The following ASAP1 variants were observed in gnomAD, a reference collection of about 807,000 sequenced individuals.
ASAP1 encodes the protein arf-GAP with SH3 domain, ANK repeat and PH domain-containing protein 1.
A neutral mutation model predicts 145.2 loss-of-function variants in ASAP1; 43 were observed. The ratio of observed to expected loss-of-function variants is 0.30; its 90% CI spans 0.23 to 0.38. The LOEUF (loss-of-function observed/expected upper bound fraction) is 0.38. Ranked by LOEUF, ASAP1 falls within the 10% of genes least tolerant of loss-of-function variation. The pLI is 1.00. For missense variants in ASAP1, 1,018 were observed against 1,355.3 expected, an observed-to-expected ratio of 0.75 and a Z score of 3.91; for synonymous variants, 546 against 515.5, an observed-to-expected ratio of 1.06 and a Z score of -0.80.
At chr8:130,171,308 AG>A (rs1241577252) in intron 9 of ASAP1, among the ~76,000 whole-genome samples, 1 of 152,170 alleles carries the variant, frequency 6.6e-6, no homozygotes, top group Non-Finnish European at 1.5e-5. Context: ...GTTGCTATGA[AG>A]GAACACCCAA....
Position 130,143,922 on chromosome 8 carries a change from C to T in ASAP1, c.1081-6884G>A, listed in dbSNP as rs150859990. ...TTCCTCCCATCATCTTACTGAATTG[C>T]TCTGCTTTACAAACAAGAAGTGAAC... On this transcript the variant is annotated intron_variant, in intron 13 of 29. Transcript: ENST00000518721. Among the ~76,000 whole-genome samples, 435 of 152,278 alleles carry T rather than the reference C, an allele frequency of 2.9e-3. 1 individual carries two copies. Among genetic ancestry groups the T allele is most frequent in the African/African-American group, 0.01 (421 of 41,544 alleles).
chr8:130,384,490 T>C, intron 2 of ASAP1, among the ~76,000 whole-genome samples: 1 of 151,860 alleles, frequency 6.6e-6, no homozygotes, highest in Non-Finnish European at 1.5e-5. Context: ...GGATAGTGTG[T>C]TTTTTTCAGA....
chr8:130,072,824 T>TGTGTGTGTGTGCGCGCGTGTGCGTGC, intron 27 of ASAP1, among the ~76,000 whole-genome samples: 1 of 32,282 alleles, frequency 3.1e-5, no homozygotes, highest in African/African-American at 1.2e-4. Context: ...TGTGTGTGTG[T>TGTGTGTGTGTGCGCGCGTGTGCGTGC]GCGCGCGGGG....
chr8:130,076,607 G>A lies in ASAP1; in HGVS notation c.2643-201C>T, dbSNP rs536293695. On this transcript the variant is annotated intron_variant, in intron 26 of 29. Transcript: ENST00000518721. ...CGCGATCTCTGCTCACTGCAACCTC[G>A]GCCTCCTGGGTTCAAGCAATTCCCT... Among the ~76,000 whole-genome samples, 399 of 151,834 alleles carry A rather than the reference G, an allele frequency of 2.6e-3. 2 individuals are homozygous for A. The highest frequency in any genetic ancestry group is 4.8e-3 in the Non-Finnish European group (329 of 67,914).
intron 1 of ASAP1, among the ~76,000 whole-genome samples, chr8:130,408,802 C>T (rs1469399512): frequency 3.3e-5 from 5 of 152,110 alleles, no homozygotes. Context: ...ATAACATTTC[C>T]CAAGTCATAC....
intron 3 of ASAP1, among the ~76,000 whole-genome samples, chr8:130,356,483 G>C (rs140655372): frequency 1.5e-4 from 23 of 152,202 alleles, no homozygotes; most frequent in African/African-American, 4.8e-4. Context: ...TTCAATGCCT[G>C]GCAATTCTGT....
intron 3 of ASAP1, among the ~76,000 whole-genome samples, chr8:130,281,006 T>C (rs927343814): frequency 6.6e-6 from 1 of 152,172 alleles, no homozygotes; most frequent in African/African-American, 2.4e-5. Context: ...ACATGCTGTT[T>C]TTCCAAATAA....
intron 3 of ASAP1, among the ~76,000 whole-genome samples, chr8:130,251,470 AAGTT>A (rs1476042936): frequency 2.0e-5 from 3 of 152,066 alleles, no homozygotes; most frequent in South Asian, 2.1e-4. Flanking sequence ...AAACTGAACA[AAGTT>A]AGGCCTCAAA....
chr8:130,334,226 C>A (rs1403779236), intron 3 of ASAP1, among the ~76,000 whole-genome samples: 1 of 152,110 alleles, frequency 6.6e-6, no homozygotes, highest in African/African-American at 2.4e-5. Context: ...CTGAGGCACA[C>A]ATATAAAGAG....
chr8:130,359,485 G>A (rs1252422339), intron 2 of ASAP1, among the ~76,000 whole-genome samples: 1 of 152,202 alleles, frequency 6.6e-6, no homozygotes, highest in African/African-American at 2.4e-5. Flanking sequence ...AGGGCCACAG[G>A]ATTGGTACCT....
intron 24 of ASAP1, among the ~76,000 whole-genome samples, chr8:130,097,394 C>A (rs2097520805): frequency 1.3e-5 from 2 of 152,128 alleles, no homozygotes; most frequent in South Asian, 4.1e-4. Context: ...GCCCTCCCTG[C>A]ACAGACAGCA....
chr8:130,343,760 A>C (rs1825534927), intron 3 of ASAP1, among the ~76,000 whole-genome samples: 1 of 152,234 alleles, frequency 6.6e-6, no homozygotes, highest in Admixed American at 6.5e-5. Context: ...CCAACTGTAC[A>C]AAACACACAA....
intron 3 of ASAP1, among the ~76,000 whole-genome samples, chr8:130,299,210 C>T (rs1037229436): frequency 3.9e-5 from 6 of 152,110 alleles, no homozygotes; most frequent in Non-Finnish European, 7.4e-5. Flanking sequence ...GGCTGTGAAG[C>T]GTTCAAGGGC....
chr8:130,076,995 C>A (rs2097463910), intron 26 of ASAP1, among the ~76,000 whole-genome samples: 1 of 152,192 alleles, frequency 6.6e-6, no homozygotes, highest in African/African-American at 2.4e-5. Flanking sequence ...CAATGTAGTG[C>A]ACAGAAGTAA....
intron 4 of ASAP1, among the ~76,000 whole-genome samples, chr8:130,219,107 C>T: frequency 6.6e-6 from 1 of 151,018 alleles, no homozygotes; most frequent in Non-Finnish European, 1.5e-5. Flanking sequence ...AAAATGTCAG[C>T]TACTGTTACC....
chr8:130,090,261 A>G (rs1019669326), intron 25 of ASAP1, among the ~76,000 whole-genome samples: 6 of 146,036 alleles, frequency 4.1e-5, no homozygotes, highest in Non-Finnish European at 7.4e-5. Context: ...TTCAAACCTT[A>G]AGAAATAAAG....
At chr8:130,139,920 C>T (rs1258519232) in intron 13 of ASAP1, among the ~76,000 whole-genome samples, 2 of 139,930 alleles carry the variant, frequency 1.4e-5, no homozygotes, top group Non-Finnish European at 3.1e-5. Flanking sequence ...AGATACAAAT[C>T]TTAAAAAAAA....
intron 3 of ASAP1, among the ~76,000 whole-genome samples, chr8:130,289,010 C>A (rs1458644844): frequency 6.6e-6 from 1 of 152,158 alleles, no homozygotes; most frequent in Non-Finnish European, 1.5e-5. Flanking sequence ...CACAGTGAAA[C>A]CTTGTCTCTA....
intron 3 of ASAP1, among the ~76,000 whole-genome samples, chr8:130,290,395 GAC>G (rs1197866399): frequency 6.6e-6 from 1 of 152,148 alleles, no homozygotes; most frequent in Non-Finnish European, 1.5e-5. Flanking sequence ...GTTAAGCAAA[GAC>G]ACCAGATTCT....
Sources: allele counts gnomAD v4.1 joint callset (sites outside exome capture counted in the v4.1 genomes callset), GRCh38; gene constraint gnomAD v4.1.1; transcripts MANE v1.5; gene names NCBI Gene and HGNC (gene_info 2026-07-23, HGNC 2026-07-21).